RNF103: variants seen among roughly 807,000 people sequenced by gnomAD.
RNF103 encodes the protein E3 ubiquitin-protein ligase RNF103.
RNF103 carries 23 observed loss-of-function variants against 66.2 expected under a neutral mutation model. The ratio of observed to expected loss-of-function variants is 0.35; its 90% CI spans 0.25 to 0.49. RNF103 has a LOEUF of 0.49. Among genes scored for constraint, RNF103 ranks in the 20% least tolerant of loss-of-function variants. The pLI, the probability that RNF103 is intolerant of heterozygous loss-of-function variation, is 0.98. For missense variants in RNF103, 730 were observed against 814.7 expected (o/e 0.90, Z 1.27); for synonymous variants, 297 against 289.9 (o/e 1.02, Z -0.25).
At position 86,620,400 on chromosome 2, in the gene RNF103, G is replaced by T. The variant is rs1214718700; in HGVS notation, c.296C>A (p.Thr99Asn). Residue 99 changes from threonine to asparagine, a missense_variant, in exon 2 of 4, where the codon ACC becomes AAC. Physicochemically the swap from Thr to Asn is moderately conservative, Grantham distance 65 (BLOSUM62 0). Transcript: ENST00000237455. ...EEEASESVSSTNFSGEMHFYE... is the reference protein window; with the variant it reads ...EEEASESVSSNNFSGEMHFYE... ...GAAGTGCATTTCACCACTGAAATTG[G>T]TACTAGAAACCGATTCGGATGCTTC... 1.9e-6 allele frequency: 3 copies of T among 1,605,802 alleles called. No homozygotes were observed.
intron 2 of RNF103, chr2:86,614,844 A>G: frequency 1.0e-6 from 1 of 985,394 alleles, no homozygotes; most frequent in Non-Finnish European, 1.2e-6. Flanking sequence ...GCCCTCTTTT[A>G]AAAATAACTC....
intron 1 of RNF103, among the ~76,000 whole-genome samples, chr2:86,621,030 T>A (rs1313768454): frequency 6.6e-6 from 1 of 152,126 alleles, no homozygotes; most frequent in Non-Finnish European, 1.5e-5. Context: ...AGAGCTTGTA[T>A]CATTAAACAA....
chr2:86,623,524 C>T lies in RNF103; in HGVS notation c.-638G>A, dbSNP rs1312270779. On this transcript the variant is annotated 5_prime_UTR_variant, in exon 1 of 4. Coordinates refer to ENST00000237455, the MANE Select transcript of RNF103 (RefSeq NM_005667.4). ...CAGGCCCCGCCGACCGCCCAGGCTC[C>T]GCGAGAAGAGCGGCGGGCACGGCGG... 2 of 984,824 alleles carry T rather than the reference C, an allele frequency of 2.0e-6. No individual in the cohort carries two copies. The highest frequency in any genetic ancestry group is 2.4e-6 in the Non-Finnish European group (2 of 830,136). The allele number at this position is 984,824 out of a possible 1,614,324, so 61.0% of individuals were successfully genotyped here. A position where few individuals can be genotyped will look rare whatever the true frequency, so the allele number is the denominator to read the frequency against.
At chr2:86,616,417 T>C (rs1679021767) in intron 2 of RNF103, 2 of 826,886 alleles carry the variant, frequency 2.4e-6, no homozygotes, top group Admixed American at 6.2e-5. Context: ...GGACAAGTGA[T>C]TGACAAAAAA....
At chr2:86,614,707 C>T in intron 2 of RNF103, 2 of 672,966 alleles carry the variant, frequency 3.0e-6, no homozygotes, top group Non-Finnish European at 3.5e-6. Flanking sequence ...TTTATTGCTA[C>T]CACTCAAGAG....
chr2:86,616,499 T>A, intron 2 of RNF103: 1 of 982,264 alleles, frequency 1.0e-6, no homozygotes, highest in Non-Finnish European at 1.2e-6. Context: ...AAATATAAGA[T>A]AAAGTGGCTT....
chr2:86,623,119 C>G lies in RNF103; in HGVS notation c.-233G>C, dbSNP rs978695238. The G allele has an allele frequency of 8.2e-7, 1 of 1,225,342 alleles. No individual in the cohort carries two copies. The highest frequency in any genetic ancestry group is 1.0e-6 in the Non-Finnish European group (1 of 985,304). The allele number at this position is 1,225,342 out of a possible 1,614,324, so 75.9% of individuals were successfully genotyped here. A position where few individuals can be genotyped will look rare whatever the true frequency, so the allele number is the denominator to read the frequency against. ...ACGCAGAGCCTCGCGCCGGGCCTCC[C>G]AGTCAAGAGCCGACAAAAATAAAGG... On this transcript the variant is annotated 5_prime_UTR_variant, in exon 1 of 4. Transcript: ENST00000237455.
chr2:86,621,985 G>C (rs950502218), intron 1 of RNF103, among the ~76,000 whole-genome samples: 1 of 152,144 alleles, frequency 6.6e-6, no homozygotes, highest in African/African-American at 2.4e-5. Flanking sequence ...AAGGGTACCT[G>C]TGACACAGAA....
At position 86,603,855 on chromosome 2, in the gene RNF103, A is replaced by T. The variant is rs201068550; in HGVS notation, c.2046T>A (p.Asp682Glu). 1 of 1,611,266 alleles carries T rather than the reference A, an allele frequency of 6.2e-7. No homozygotes were observed. Among genetic ancestry groups the T allele is most frequent in the Non-Finnish European group, 8.5e-7 (1 of 1,178,802 alleles). ...PYAQHQPLSN[D>E]VPS Reference sequence around the variant, plus strand: ...AAATTGCACATGGTTAAGATGGGACATCATTTGACAAGGGCTGGTGTTGTG... The same window carrying T: ...AAATTGCACATGGTTAAGATGGGACTTCATTTGACAAGGGCTGGTGTTGTG... The change falls in exon 4 of 4, where the codon GAT (aspartate) becomes GAA (glutamate). Residue 682 changes from aspartate (D) to glutamate (E), a missense_variant. Physicochemically the swap from Asp to Glu is conservative, Grantham distance 45 (BLOSUM62 2). Around this residue, in one of 3 missense-constraint regions of RNF103, gnomAD observed 355 missense variants for 351.9 expected, o/e 1.01. Transcript: ENST00000237455.
At chr2:86,615,048 A>C in intron 2 of RNF103, 4 of 985,272 alleles carry the variant, frequency 4.1e-6, no homozygotes, top group Non-Finnish European at 4.8e-6. Flanking sequence ...ACATGTGATA[A>C]GAGCTCCAAT....
intron 3 of RNF103, among the ~76,000 whole-genome samples, chr2:86,606,884 T>C (rs1466435150): frequency 2.0e-5 from 3 of 152,084 alleles, no homozygotes; most frequent in African/African-American, 7.2e-5. Context: ...CTCAAGCGAT[T>C]CTCCTGCCTC....
At position 86,605,043 on chromosome 2, in the gene RNF103, T is replaced by C; in HGVS notation, c.858A>G (p.Pro286=). Residue 286 remains proline, a synonymous_variant, in exon 4 of 4, where the codon CCA becomes CCG. Transcript: ENST00000237455. ...CTTCAGGAGTTCTAAGTATGTATGA[T>C]GGCATATTATATATGCCAATATCTG... ...YMTDIGIYNM[P]SYILRTPEGI... 1 of 1,614,148 alleles carries C rather than the reference T, an allele frequency of 6.2e-7. No individual in the cohort carries two copies. The highest frequency in any genetic ancestry group is 8.5e-7 in the Non-Finnish European group (1 of 1,180,018).
rs1219956508 is a variant in RNF103, at chr2:86,604,087, T to C, written c.1814A>G (p.Glu605Gly). ...YGSYNTNEDM[E>G]PDWLTWPADM... The stretch of plus-strand genomic sequence containing the variant: ...AGCAGGCCAAGTTAACCAATCAGGT[T>C]CCATATCTTCATTAGTGTTATATGA... The change falls in exon 4 of 4, where the codon GAA becomes GGA. Residue 605 changes from glutamate (E) to glycine (G), a missense_variant. Glu to Gly is a moderately conservative substitution (Grantham distance 98). Coordinates refer to ENST00000237455, the MANE Select transcript of RNF103 (RefSeq NM_005667.4). 24 of 1,613,810 alleles carry C rather than the reference T, an allele frequency of 1.5e-5. No homozygotes were observed. The highest frequency in any genetic ancestry group is 1.9e-5 in the Non-Finnish European group (22 of 1,180,022).
Position 86,604,755 on chromosome 2 carries a change from G to A in RNF103, c.1146C>T (p.Tyr382=), listed in dbSNP as rs375660475. Residue 382 remains tyrosine (Y), a synonymous_variant, in exon 4 of 4, where the codon TAC becomes TAT. Coordinates refer to ENST00000237455, the MANE Select transcript of RNF103 (RefSeq NM_005667.4). ...LPVLGFLQLP[Y]LDSFYEYSLK... Reference sequence around the variant, plus strand: ...AGCTATATTCATAAAAGCTATCTAAGTAAGGTAGCTGTAAAAAGCCCAACA... The same window carrying A: ...AGCTATATTCATAAAAGCTATCTAAATAAGGTAGCTGTAAAAAGCCCAACA... 2 of 1,613,856 alleles carry A rather than the reference G, an allele frequency of 1.2e-6. No individual in the cohort carries two copies. The highest frequency in any genetic ancestry group is 1.3e-5 in the African/African-American group (1 of 74,910).
chr2:86,614,787 G>A (rs2104242637), intron 2 of RNF103: 2 of 979,472 alleles, frequency 2.0e-6, no homozygotes, highest in Non-Finnish European at 2.4e-6. Flanking sequence ...TCCTTAGGAA[G>A]ATTAAGAAGT....
intron 2 of RNF103, chr2:86,612,495 T>TCC: frequency 2.6e-6 from 1 of 391,390 alleles, no homozygotes; most frequent in South Asian, 4.3e-5. Flanking sequence ...TCTCCCACAC[T>TCC]CTGTGGCAGT....
At chr2:86,614,872 C>G in intron 2 of RNF103, 1 of 985,348 alleles carries the variant, frequency 1.0e-6, no homozygotes, top group East Asian at 1.1e-4. Flanking sequence ...AGGCATTATC[C>G]CATTTCTTGA....
At chr2:86,606,112 T>C (rs1273002363) in intron 3 of RNF103, among the ~76,000 whole-genome samples, 1 of 152,160 alleles carries the variant, frequency 6.6e-6, no homozygotes, top group Non-Finnish European at 1.5e-5. Context: ...TCAGTGAAGA[T>C]CATGAAGGGG....
intron 1 of RNF103, among the ~76,000 whole-genome samples, chr2:86,621,070 A>G (rs528452757): frequency 6.6e-6 from 1 of 152,352 alleles, no homozygotes; most frequent in East Asian, 1.9e-4. Flanking sequence ...AAATCAAATT[A>G]TTTTAACTTT....
Sources: allele counts gnomAD v4.1 joint callset (sites outside exome capture counted in the v4.1 genomes callset), GRCh38; gene constraint gnomAD v4.1.1; regional missense constraint gnomAD v4.1.1; transcripts MANE v1.5; gene names NCBI Gene and HGNC (gene_info 2026-07-23, HGNC 2026-07-21).